The following EXOC6B variants were observed in gnomAD, a reference collection of about 807,000 sequenced individuals.
The protein encoded by EXOC6B is SEC15 homolog B.
In EXOC6B, 54 loss-of-function variants were observed where a neutral mutation model predicts 113.5. That is an observed-to-expected ratio of 0.48 (90% CI 0.38 to 0.60). The LOEUF (loss-of-function observed/expected upper bound fraction) is 0.60, where lower values mean the gene tolerates loss of function less well. EXOC6B is among the 20% of genes least tolerant of loss of function. The pLI, the probability that EXOC6B is intolerant of heterozygous loss-of-function variation, is 0.00. For missense variants in EXOC6B, 797 were observed against 977.5 expected (o/e 0.82, Z 2.46); for synonymous variants, 357 against 339.0 (o/e 1.05, Z -0.58).
intron 20 of EXOC6B, among the ~76,000 whole-genome samples, chr2:72,331,212 TC>T (rs1688403164): frequency 6.6e-6 from 1 of 152,196 alleles, no homozygotes; most frequent in South Asian, 2.1e-4. Flanking sequence ...ATTCCTTTGC[TC>T]CCAGAGGGCA....
At chr2:72,267,672 G>C (rs1352533081) in intron 20 of EXOC6B, among the ~76,000 whole-genome samples, 1 of 152,058 alleles carries the variant, frequency 6.6e-6, no homozygotes, top group Non-Finnish European at 1.5e-5. Context: ...ATTTTATTAA[G>C]GATTTTTGCA....
At chr2:72,384,817 T>A (rs1368365881) in intron 18 of EXOC6B, among the ~76,000 whole-genome samples, 1 of 152,038 alleles carries the variant, frequency 6.6e-6, no homozygotes, top group African/African-American at 2.4e-5. Context: ...AGATAAAATA[T>A]TTGTATATTT....
rs1047059571 is a variant in EXOC6B at position 72,331,688 on chromosome 2, C to T, written c.2196+3259G>A. ...ATTTTGATTTGTACTATCTAATTCA[C>T]GATATTATTAATAGTAGGTTTTCCA... On this transcript the variant is annotated intron_variant, in intron 20 of 21. Transcript: ENST00000272427. Among the ~76,000 whole-genome samples the T allele has an allele frequency of 3.9e-5, 6 of 151,962 alleles. No individual in the cohort carries two copies. In the South Asian group the frequency reaches 6.2e-4, roughly 16 times the overall value.
chr2:72,805,460 T>C (rs1685529406), intron 1 of EXOC6B, among the ~76,000 whole-genome samples: 1 of 152,186 alleles, frequency 6.6e-6, no homozygotes, highest in Admixed American at 6.5e-5. Flanking sequence ...TTTCTTTTAA[T>C]GGCAAAACAT....
At position 72,741,477 on chromosome 2, in the gene EXOC6B, A is replaced by C; in HGVS notation, c.114-8T>G. On this transcript the variant is annotated splice_region_variant and splice_polypyrimidine_tract_variant and intron_variant, in intron 1 of 21. Coordinates refer to ENST00000272427, the MANE Select transcript of EXOC6B (RefSeq NM_015189.3). The stretch of plus-strand genomic sequence containing the variant: ...TCACCATCATAAACAGACCTTTAAA[A>C]AAAAATGGCACGAAGATTATACCAT... 1 of 1,596,054 alleles carries C rather than the reference A, an allele frequency of 6.3e-7. No individual in the cohort carries two copies. The highest frequency in any genetic ancestry group is 8.5e-7 in the Non-Finnish European group (1 of 1,174,576).
chr2:72,492,534 C>A, intron 15 of EXOC6B, 105 bp from the exon 16 acceptor site: 1 of 625,682 alleles, frequency 1.6e-6, no homozygotes, highest in Non-Finnish European at 2.9e-6. Flanking sequence ...ATAATAATAG[C>A]AGCAGCAAAT....
At chr2:72,309,550 A>G (rs1244851992) in intron 20 of EXOC6B, among the ~76,000 whole-genome samples, 2 of 152,158 alleles carry the variant, frequency 1.3e-5, no homozygotes, top group African/African-American at 2.4e-5. Context: ...CTCTCTAGCA[A>G]TTTTATCTAT....
chr2:72,638,944 C>T (rs1403224486), intron 6 of EXOC6B, among the ~76,000 whole-genome samples: 1 of 152,154 alleles, frequency 6.6e-6, no homozygotes, highest in Non-Finnish European at 1.5e-5. Context: ...GGCCACGCCT[C>T]CTTGCAGGGC....
At chr2:72,708,896 A>ATTT (rs1159794341) in intron 6 of EXOC6B, among the ~76,000 whole-genome samples, 706 of 69,808 alleles carry the variant, frequency 0.01, 98 homozygotes, top group African/African-American at 0.027. Flanking sequence ...CATCCAGCTA[A>ATTT]TTTTTTTTTT....
chr2:72,816,644 T>A (rs1187734659), intron 1 of EXOC6B, among the ~76,000 whole-genome samples: 1 of 152,242 alleles, frequency 6.6e-6, no homozygotes, highest in African/African-American at 2.4e-5. Context: ...TATCATTTTT[T>A]ATTTTCAAAA....
intron 21 of EXOC6B, among the ~76,000 whole-genome samples, chr2:72,181,095 G>A (rs1678054645): frequency 6.6e-6 from 1 of 151,794 alleles, no homozygotes; most frequent in African/African-American, 2.4e-5. Context: ...TGTAGTCCCA[G>A]CTATTCGAGA....
chr2:72,502,877 C>T (rs534137934), intron 11 of EXOC6B, among the ~76,000 whole-genome samples: 1 of 152,260 alleles, frequency 6.6e-6, no homozygotes, highest in African/African-American at 2.4e-5. Context: ...TTCCTATTTT[C>T]TGTCTCTGTG....
intron 20 of EXOC6B, among the ~76,000 whole-genome samples, chr2:72,320,623 C>T (rs1323948351): frequency 2.6e-5 from 4 of 152,020 alleles, no homozygotes; most frequent in Non-Finnish European, 4.4e-5. Context: ...GTATGAACTC[C>T]TAGATGAAAA....
intron 6 of EXOC6B, among the ~76,000 whole-genome samples, chr2:72,681,402 T>C (rs1676694083): frequency 6.6e-6 from 1 of 152,222 alleles, no homozygotes; most frequent in Admixed American, 6.5e-5. Flanking sequence ...TCTGTTATGT[T>C]TATTAGGTTT....
rs533282104 is a variant in EXOC6B, at chr2:72,268,660, C to T, written c.2196+66287G>A. Among the ~76,000 whole-genome samples, 5 of 152,146 alleles carry T rather than the reference C, an allele frequency of 3.3e-5. No individual in the cohort carries two copies. The East Asian group carries it at 5.8e-4, about 18-fold the overall frequency. The stretch of plus-strand genomic sequence containing the variant: ...AGGGACTGGTAGGAGGTGTTTGGGT[C>T]ATGGGGGCGGATCCCTCATGAATGA... On this transcript the variant is annotated intron_variant, in intron 20 of 21. Transcript: ENST00000272427.
At position 72,806,535 on chromosome 2, in the gene EXOC6B, T is replaced by C. The variant is rs1685585129; in HGVS notation, c.113+19263A>G. Among the ~76,000 whole-genome samples, 4 of 152,340 alleles carry C rather than the reference T, an allele frequency of 2.6e-5. No individual in the cohort carries two copies. The South Asian group carries it at 8.3e-4, about 32-fold the overall frequency. On this transcript the variant is annotated intron_variant, in intron 1 of 21. Coordinates refer to ENST00000272427, the MANE Select transcript of EXOC6B (RefSeq NM_015189.3). Reference sequence around the variant, plus strand: ...TTTGGAAGAACGATTTATTTTCCTTTAGGTATATACCCAGTAATGGGATTG... The same window carrying C: ...TTTGGAAGAACGATTTATTTTCCTTCAGGTATATACCCAGTAATGGGATTG...
intron 1 of EXOC6B, among the ~76,000 whole-genome samples, chr2:72,769,947 A>C (rs1683317928): frequency 6.6e-6 from 1 of 152,238 alleles, no homozygotes; most frequent in African/African-American, 2.4e-5. Context: ...TGAACACCAG[A>C]AGACAAGATA....
intron 18 of EXOC6B, among the ~76,000 whole-genome samples, chr2:72,401,580 T>C (rs865857612): frequency 0.025 from 485 of 19,476 alleles, 33 homozygotes; most frequent in East Asian, 0.064. Flanking sequence ...TATATATATA[T>C]ACATATATAT....
chr2:72,601,112 ATGTGTGTGTGTATGTGTGTGTG>A (rs1670399373), intron 6 of EXOC6B, among the ~76,000 whole-genome samples: 9 of 141,570 alleles, frequency 6.4e-5, no homozygotes, highest in Admixed American at 3.7e-4. Context: ...ATATATATAT[ATGTGTGTGTGTATGTGTGTGTG>A]TGTGTGTGTG....
Sources: allele counts gnomAD v4.1 joint callset (sites outside exome capture counted in the v4.1 genomes callset), GRCh38; gene constraint gnomAD v4.1.1; transcripts MANE v1.5; gene names NCBI Gene and HGNC (gene_info 2026-07-23, HGNC 2026-07-21).